BNC2: variants seen among roughly 807,000 people sequenced by gnomAD.
The protein encoded by BNC2 is zinc finger protein basonuclin-2.
A neutral mutation model predicts 76.3 loss-of-function variants in BNC2; 20 were observed. The observed-to-expected ratio is 0.26, with a 90% CI of 0.18 to 0.38. The LOEUF (loss-of-function observed/expected upper bound fraction) is 0.38, where lower values mean the gene tolerates loss of function less well. BNC2 is among the 10% of genes least tolerant of loss of function. The pLI is 1.00. For missense variants in BNC2, 1,382 were observed against 1,399.8 expected (o/e 0.99, Z 0.20); for synonymous variants, 582 against 514.8 (o/e 1.13, Z -1.77).
intron 5 of BNC2, among the ~76,000 whole-genome samples, chr9:16,457,221 G>C (rs555107848): frequency 6.6e-6 from 1 of 152,048 alleles, no homozygotes. Flanking sequence ...TGGAACAAGG[G>C]GTGTCAATAG....
intron 5 of BNC2, among the ~76,000 whole-genome samples, chr9:16,541,311 G>C (rs1425125439): frequency 1.3e-5 from 2 of 152,164 alleles, no homozygotes; most frequent in East Asian, 3.9e-4. Context: ...TTTGGCCACA[G>C]ATTCAACCCG....
chr9:16,855,935 G>A (rs1819244811), intron 1 of BNC2, among the ~76,000 whole-genome samples: 1 of 152,058 alleles, frequency 6.6e-6, no homozygotes, highest in South Asian at 2.1e-4. Context: ...TATATAGTAA[G>A]TAAACATTTA....
At chr9:16,630,053 C>T (rs1821117425) in intron 3 of BNC2, among the ~76,000 whole-genome samples, 2 of 152,216 alleles carry the variant, frequency 1.3e-5, no homozygotes, top group South Asian at 2.1e-4. Flanking sequence ...TCAAACTCTG[C>T]CACTGCTTCA....
intron 1 of BNC2, among the ~76,000 whole-genome samples, chr9:16,853,125 A>G (rs1819166823): frequency 2.0e-5 from 3 of 152,182 alleles, no homozygotes; most frequent in Admixed American, 6.5e-5. Flanking sequence ...AGAAGATACA[A>G]TAGTATTCTG....
chr9:16,786,524 T>G (rs1826297962), intron 1 of BNC2, among the ~76,000 whole-genome samples: 1 of 152,150 alleles, frequency 6.6e-6, no homozygotes, highest in African/African-American at 2.4e-5. Flanking sequence ...AATTACTTTA[T>G]CCCCCAAACT....
In BNC2 at chr9:16,570,078, G is replaced by C. The variant is rs568492413; in HGVS notation, c.433+12905C>G. ...AAGAAAATAATCACCCTACCCCCCA[G>C]TTATTCACTTTAAAGACTTAATTTT... is the stretch of plus-strand genomic sequence containing the variant. On this transcript the variant is annotated intron_variant, in intron 4 of 6. Coordinates refer to ENST00000380672, the MANE Select transcript of BNC2 (RefSeq NM_017637.6). 1.1e-4 allele frequency among the ~76,000 whole-genome samples: 16 copies of C among 152,114 alleles called. No homozygotes were observed. The East Asian group carries it at 3.1e-3, about 29-fold the overall frequency.
intron 5 of BNC2, among the ~76,000 whole-genome samples, chr9:16,516,185 A>G (rs1817419041): frequency 6.6e-6 from 1 of 152,128 alleles, no homozygotes; most frequent in South Asian, 2.1e-4. Context: ...GCAGGGTTCT[A>G]ATGAATATTC....
chr9:16,845,485 G>A (rs1201885287), intron 1 of BNC2, among the ~76,000 whole-genome samples: 1 of 152,112 alleles, frequency 6.6e-6, no homozygotes, highest in Admixed American at 6.6e-5. Flanking sequence ...AATTTGGGAG[G>A]CCAAGGCGGG....
chr9:16,647,485 T>C (rs1821665107), intron 3 of BNC2, among the ~76,000 whole-genome samples: 1 of 152,174 alleles, frequency 6.6e-6, no homozygotes, highest in Non-Finnish European at 1.5e-5. Context: ...AAATGGAAGA[T>C]AATGAATGGT....
intron 3 of BNC2, among the ~76,000 whole-genome samples, chr9:16,616,841 TCTA>T (rs1820719941): frequency 3.1e-5 from 1 of 32,252 alleles, no homozygotes; most frequent in Non-Finnish European, 7.1e-5. Flanking sequence ...GGAAGGAAGT[TCTA>T]CTGACACGTG....
chr9:16,603,935 T>C (rs1169763698), intron 3 of BNC2, among the ~76,000 whole-genome samples: 3 of 152,154 alleles, frequency 2.0e-5, no homozygotes, highest in Non-Finnish European at 2.9e-5. Flanking sequence ...AGAAATTTCA[T>C]ATAAATTGTC....
At chr9:16,656,182 T>G (rs1482649785) in intron 3 of BNC2, among the ~76,000 whole-genome samples, 1 of 152,156 alleles carries the variant, frequency 6.6e-6, no homozygotes, top group Non-Finnish European at 1.5e-5. Context: ...GTTCCAAGGC[T>G]GAGTAACCCT....
chr9:16,732,952 A>C (rs1012511845), intron 2 of BNC2, among the ~76,000 whole-genome samples: 1 of 152,222 alleles, frequency 6.6e-6, no homozygotes, highest in Non-Finnish European at 1.5e-5. Context: ...GTAGAGTTTT[A>C]AAATGTTTTG....
At chr9:16,861,021 G>C (rs937205582) in intron 1 of BNC2, among the ~76,000 whole-genome samples, 36 of 132,326 alleles carry the variant, frequency 2.7e-4, no homozygotes, top group Admixed American at 8.9e-4. Context: ...CTGAGCGCCA[G>C]AGCAAGACTC....
At chr9:16,728,499 CCA>C (rs1361155676) in intron 2 of BNC2, among the ~76,000 whole-genome samples, 1 of 152,098 alleles carries the variant, frequency 6.6e-6, no homozygotes, top group Non-Finnish European at 1.5e-5. Context: ...ATATCTGACA[CCA>C]GTCTTTGGCT....
At chr9:16,639,451 A>G (rs1424357758) in intron 3 of BNC2, among the ~76,000 whole-genome samples, 1 of 152,220 alleles carries the variant, frequency 6.6e-6, no homozygotes, top group African/African-American at 2.4e-5. Flanking sequence ...TTAAGAAATA[A>G]TTGCAATCTC....
intron 1 of BNC2, among the ~76,000 whole-genome samples, chr9:16,762,446 A>C (rs1279211180): frequency 6.6e-6 from 1 of 152,230 alleles, no homozygotes; most frequent in Non-Finnish European, 1.5e-5. Context: ...AATGAATCAA[A>C]GCCCACAATC....
intron 5 of BNC2, among the ~76,000 whole-genome samples, chr9:16,458,147 G>A (rs1018898057): frequency 6.6e-6 from 1 of 152,120 alleles, no homozygotes; most frequent in Non-Finnish European, 1.5e-5. Context: ...TCCTAAGGGG[G>A]AAAACCCCTA....
At chr9:16,522,867 T>C (rs1372769955) in intron 5 of BNC2, among the ~76,000 whole-genome samples, 2 of 152,170 alleles carry the variant, frequency 1.3e-5, no homozygotes, top group Non-Finnish European at 2.9e-5. Flanking sequence ...ACCACCACTC[T>C]GTTTTAACCC....
Sources: gnomAD v4.1 joint callset for allele counts (sites outside exome capture counted in the v4.1 genomes callset) on GRCh38, gnomAD v4.1.1 for gene constraint, MANE v1.5 for transcripts, NCBI Gene and HGNC (gene_info 2026-07-23, HGNC 2026-07-21) for gene names.